Variants in SPAG16 observed in about 807,000 individuals in gnomAD.
SPAG16 encodes the protein sperm-associated antigen 16 protein.
SPAG16 carries 86 observed loss-of-function variants against 80.4 expected under a neutral mutation model. The ratio of observed to expected loss-of-function variants is 1.07; its 90% CI spans 0.90 to 1.28. The LOEUF (loss-of-function observed/expected upper bound fraction) is 1.28. SPAG16 is among the 50% of genes most tolerant of loss of function. SPAG16 has a pLI of 0.00. For synonymous variants in SPAG16, 294 were observed against 265.9 expected (o/e 1.11, Z -1.03); for missense variants, 870 against 765.3 (o/e 1.14, Z -1.61).
chr2:213,700,219 A>T (rs1230936136), intron 10 of SPAG16, among the ~76,000 whole-genome samples: 2 of 134,454 alleles, frequency 1.5e-5, no homozygotes, highest in Non-Finnish European at 3.1e-5. Context: ...TTTGACTGCT[A>T]AAAAAAAAAA....
chr2:213,834,634 C>G (rs1463018471), intron 10 of SPAG16, among the ~76,000 whole-genome samples: 1 of 151,950 alleles, frequency 6.6e-6, no homozygotes, highest in East Asian at 1.9e-4. Flanking sequence ...TCTATGATTC[C>G]CCTCAGGAGA....
chr2:214,254,842 T>G (rs1258450486), intron 15 of SPAG16, among the ~76,000 whole-genome samples: 1 of 152,022 alleles, frequency 6.6e-6, no homozygotes, highest in East Asian at 1.9e-4. Context: ...AAACTAAGAT[T>G]GGTTTTTTTT....
At chr2:214,237,896 TA>T (rs1251469286) in intron 15 of SPAG16, among the ~76,000 whole-genome samples, 1 of 152,098 alleles carries the variant, frequency 6.6e-6, no homozygotes, top group Non-Finnish European at 1.5e-5. Context: ...ATAGTTACAG[TA>T]GTTTTAATTC....
intron 11 of SPAG16, among the ~76,000 whole-genome samples, chr2:213,893,038 C>A (rs1820565): frequency 0.6 from 90,309 of 151,760 alleles, 28,736 homozygotes; most frequent in South Asian, 0.85. Context: ...AGTCAAGGAC[C>A]AAGAGTGAAT....
intron 10 of SPAG16, among the ~76,000 whole-genome samples, chr2:213,652,226 G>A (rs906212778): frequency 2.0e-5 from 3 of 152,072 alleles, no homozygotes; most frequent in African/African-American, 4.8e-5. Context: ...TTTATAAAGT[G>A]TTCAGAATAG....
intron 10 of SPAG16, among the ~76,000 whole-genome samples, chr2:213,697,889 A>T (rs958723064): frequency 2.0e-5 from 3 of 152,134 alleles, no homozygotes; most frequent in East Asian, 3.8e-4. Flanking sequence ...TCTAGCTACC[A>T]TCCCTTTTTA....
At chr2:214,049,130 C>A (rs1234237920) in intron 13 of SPAG16, among the ~76,000 whole-genome samples, 1 of 152,080 alleles carries the variant, frequency 6.6e-6, no homozygotes, top group African/African-American at 2.4e-5. Context: ...GAGATGAGGT[C>A]TACTATGTTG....
intron 12 of SPAG16, among the ~76,000 whole-genome samples, chr2:213,994,083 A>G (rs1212391886): frequency 6.6e-6 from 1 of 152,210 alleles, no homozygotes; most frequent in Non-Finnish European, 1.5e-5. Context: ...TTAGTGTGAT[A>G]CGATGTTATA....
intron 10 of SPAG16, among the ~76,000 whole-genome samples, chr2:213,752,644 G>A (rs561121260): frequency 6.6e-6 from 1 of 152,110 alleles, no homozygotes; most frequent in African/African-American, 2.4e-5. Context: ...TGTTGCCTTG[G>A]TTTTGTATTT....
intron 10 of SPAG16, among the ~76,000 whole-genome samples, chr2:213,719,543 G>A (rs1179371043): frequency 6.6e-6 from 1 of 152,194 alleles, no homozygotes; most frequent in Non-Finnish European, 1.5e-5. Context: ...CTACCAATCA[G>A]CAGGATGTGG....
At chr2:213,900,055 T>A (rs2077155942) in intron 11 of SPAG16, among the ~76,000 whole-genome samples, 1 of 152,150 alleles carries the variant, frequency 6.6e-6, no homozygotes, top group Admixed American at 6.5e-5. Context: ...CTGCCTTTGT[T>A]GACCTAGAAT....
At chr2:214,079,032 C>T (rs16851405) in intron 13 of SPAG16, among the ~76,000 whole-genome samples, 14,757 of 152,078 alleles carry the variant, frequency 0.097, 889 homozygotes, top group East Asian at 0.28. Context: ...GTGGAATACA[C>T]GTTTAGGTCT....
At chr2:214,062,418 CAAAAAAAAAAAA>C (rs56693089) in intron 13 of SPAG16, among the ~76,000 whole-genome samples, 6 of 55,372 alleles carry the variant, frequency 1.1e-4, no homozygotes, top group Non-Finnish European at 2.0e-4. Flanking sequence ...GACTCTGACT[CAAAAAAAAAAAA>C]AAAAAAAAAA....
At chr2:213,764,882 T>C (rs886923862) in intron 10 of SPAG16, among the ~76,000 whole-genome samples, 3 of 152,242 alleles carry the variant, frequency 2.0e-5, no homozygotes, top group Non-Finnish European at 4.4e-5. Flanking sequence ...AGAATGCTCA[T>C]TATGAGAAGG....
At chr2:213,317,378 AT>A in intron 5 of SPAG16, 22 bp downstream of exon 5, 1 of 1,594,060 alleles carries the variant, frequency 6.3e-7, no homozygotes. Flanking sequence ...TTTAAATGAC[AT>A]TTTCTTCTTT....
chr2:213,778,829 A>G (rs932098566), intron 10 of SPAG16, among the ~76,000 whole-genome samples: 3 of 152,168 alleles, frequency 2.0e-5, no homozygotes, highest in South Asian at 2.1e-4. Context: ...GTTAATATTA[A>G]TGAATTTTTT....
chr2:214,394,877 C>T (rs186359187), intron 15 of SPAG16, among the ~76,000 whole-genome samples: 36 of 152,288 alleles, frequency 2.4e-4, no homozygotes, highest in African/African-American at 8.4e-4. Flanking sequence ...TCCCTACCTC[C>T]CCACAACTCC....
intron 10 of SPAG16, among the ~76,000 whole-genome samples, chr2:213,713,822 A>G (rs1054578630): frequency 6.6e-6 from 1 of 152,226 alleles, no homozygotes; most frequent in African/African-American, 2.4e-5. Flanking sequence ...GTAGCTTGAA[A>G]AGCAATGAAC....
chr2:214,219,440 T>A (rs1052576610), intron 15 of SPAG16, among the ~76,000 whole-genome samples: 5 of 152,142 alleles, frequency 3.3e-5, no homozygotes, highest in Non-Finnish European at 7.4e-5. Flanking sequence ...TTTACTTATG[T>A]AAAATTTTAT....
Sources: gnomAD v4.1 joint callset for allele counts (sites outside exome capture counted in the v4.1 genomes callset) on GRCh38, gnomAD v4.1.1 for gene constraint, MANE v1.5 for transcripts, NCBI Gene and HGNC (gene_info 2026-07-23, HGNC 2026-07-21) for gene names.